The following ADAMTS19 variants were observed in gnomAD, a reference collection of about 807,000 sequenced individuals.
ADAMTS19 encodes the protein A disintegrin and metalloproteinase with thrombospondin motifs 19.
A neutral mutation model predicts 153.3 loss-of-function variants in ADAMTS19; 93 were observed. The observed-to-expected ratio is 0.61, with a 90% CI of 0.51 to 0.72. The LOEUF is 0.72. ADAMTS19 is among the 30% of genes least tolerant of loss of function. The pLI, the probability that ADAMTS19 is intolerant of heterozygous loss-of-function variation, is 0.00. For missense variants in ADAMTS19, 1,482 were observed against 1,552.1 expected (o/e 0.95, Z 0.76); for synonymous variants, 600 against 556.6 (o/e 1.08, Z -1.10).
At chr5:129,680,787 A>AC (rs1754773301) in intron 17 of ADAMTS19, among the ~76,000 whole-genome samples, 4 of 150,096 alleles carry the variant, frequency 2.7e-5, no homozygotes, top group African/African-American at 7.3e-5. Flanking sequence ...AAAAAAAAAA[A>AC]CTGGATATAA....
rs767816790 is a variant in ADAMTS19 at position 129,526,317 on chromosome 5, A to G, written c.947A>G (p.Glu316Gly). 1.3e-6 allele frequency: 2 copies of G among 1,593,542 alleles called. No individual in the cohort carries two copies. Among genetic ancestry groups the G allele is most frequent in the Middle Eastern group, 1.7e-4 (1 of 6,004 alleles). The change falls in exon 4 of 23, where the codon GAA (glutamate) becomes GGA (glycine). Residue 316 changes from glutamate (E) to glycine (G), a missense_variant. Physicochemically the swap from Glu to Gly is moderately conservative, Grantham distance 98. Coordinates refer to ENST00000274487, the MANE Select transcript of ADAMTS19 (RefSeq NM_133638.6). The part of the protein sequence containing the change: ...KGRPRSRKIA[E>G]SGRGKRYSYK... ...AGACCTAGGTCTAGAAAAATAGCAG[A>G]AAGTGGAAGAGGGAAACGATATTCA... is the stretch of plus-strand genomic sequence containing the variant.
At chr5:129,653,619 G>GA (rs1753412091) in intron 13 of ADAMTS19, among the ~76,000 whole-genome samples, 1 of 152,170 alleles carries the variant, frequency 6.6e-6, no homozygotes, top group African/African-American at 2.4e-5. Flanking sequence ...CACATCAGCA[G>GA]TTGCGCATAA....
At chr5:129,543,048 G>GTT (rs745799730) in intron 6 of ADAMTS19, among the ~76,000 whole-genome samples, 9 of 140,368 alleles carry the variant, frequency 6.4e-5, no homozygotes, top group South Asian at 2.3e-4. Flanking sequence ...TTGTTGTTTT[G>GTT]TTTTTTTTTT....
intron 6 of ADAMTS19, among the ~76,000 whole-genome samples, chr5:129,539,753 G>C (rs1752593699): frequency 2.0e-5 from 3 of 151,948 alleles, no homozygotes; most frequent in Non-Finnish European, 4.4e-5. Context: ...TATTTATTTA[G>C]GGTAGATTAA....
intron 3 of ADAMTS19, among the ~76,000 whole-genome samples, chr5:129,520,070 A>G (rs768838217): frequency 1.8e-4 from 28 of 152,150 alleles, no homozygotes; most frequent in Admixed American, 1.3e-4. Flanking sequence ...CATTTTAAAC[A>G]TGGACCCCGA....
chr5:129,704,406 G>T lies in ADAMTS19; in HGVS notation c.3312+15G>T, dbSNP rs1486550507. 1 of 1,609,886 alleles carries T rather than the reference G, an allele frequency of 6.2e-7. No individual in the cohort carries two copies. The highest frequency in any genetic ancestry group is 8.5e-7 in the Non-Finnish European group (1 of 1,178,080). ...ACTGGTCTAAGGTGAGAACCATTCT[G>T]TATATTCTCAGTAATAGGTTTCAAT... is the stretch of plus-strand genomic sequence containing the variant. On this transcript the variant is annotated intron_variant, in intron 21 of 22. Transcript: ENST00000274487.
intron 7 of ADAMTS19, among the ~76,000 whole-genome samples, chr5:129,563,986 C>T (rs1223210036): frequency 1.3e-5 from 2 of 151,998 alleles, no homozygotes; most frequent in African/African-American, 2.4e-5. Flanking sequence ...GTGGCGCAAT[C>T]TCGGCTCACT....
chr5:129,591,899 T>C (rs2126909418), intron 7 of ADAMTS19, among the ~76,000 whole-genome samples: 1 of 152,224 alleles, frequency 6.6e-6, no homozygotes, highest in Non-Finnish European at 1.5e-5. Context: ...AGTTCCATTA[T>C]TGGAAAAGGC....
chr5:129,522,816 G>A (rs1751870337), intron 3 of ADAMTS19, among the ~76,000 whole-genome samples: 2 of 152,040 alleles, frequency 1.3e-5, no homozygotes, highest in Non-Finnish European at 2.9e-5. Flanking sequence ...AGCACTTTGG[G>A]AGGCCAAGGC....
At chr5:129,643,217 C>G (rs560811812) in intron 11 of ADAMTS19, among the ~76,000 whole-genome samples, 4 of 151,580 alleles carry the variant, frequency 2.6e-5, no homozygotes, top group East Asian at 3.9e-4. Flanking sequence ...ATAAAATTAG[C>G]TAGGCTTGGT....
chr5:129,600,973 C>T (rs987598822), intron 8 of ADAMTS19, among the ~76,000 whole-genome samples: 8 of 152,046 alleles, frequency 5.3e-5, no homozygotes, highest in African/African-American at 1.9e-4. Flanking sequence ...CGGGTTCAAG[C>T]GATTCTCCTG....
intron 18 of ADAMTS19, among the ~76,000 whole-genome samples, chr5:129,692,042 G>T (rs1202155633): frequency 6.6e-6 from 1 of 151,992 alleles, no homozygotes. Context: ...ATGAATTTAG[G>T]CAACTGCATC....
intron 16 of ADAMTS19, among the ~76,000 whole-genome samples, chr5:129,679,432 T>C (rs1269303512): frequency 6.6e-6 from 1 of 152,118 alleles, no homozygotes; most frequent in Non-Finnish European, 1.5e-5. Flanking sequence ...ATAGACTAAA[T>C]AGATACACAT....
At chr5:129,717,138 T>C (rs1359918646) in intron 21 of ADAMTS19, among the ~76,000 whole-genome samples, 1 of 152,218 alleles carries the variant, frequency 6.6e-6, no homozygotes, top group East Asian at 1.9e-4. Flanking sequence ...ATTGATTACA[T>C]TAGTTTTTCA....
At chr5:129,618,718 T>A (rs181210435) in intron 8 of ADAMTS19, among the ~76,000 whole-genome samples, 117 of 152,142 alleles carry the variant, frequency 7.7e-4, no homozygotes, top group Admixed American at 2.0e-3. Flanking sequence ...TTTTTCATTA[T>A]GAAAACAATT....
At position 129,622,241 on chromosome 5, in the gene ADAMTS19, G is replaced by T. The variant is rs150344196; in HGVS notation, c.1663G>T (p.Val555Phe). Residue 555 changes from valine (V) to phenylalanine (F), a missense_variant, in exon 10 of 23, where the codon GTC (valine) becomes TTC (phenylalanine). Val to Phe is a conservative substitution (Grantham distance 50, BLOSUM62 -1). Around this residue, in one of 2 missense-constraint regions of ADAMTS19, gnomAD observed 866 missense variants for 827.7 expected, o/e 1.05. Coordinates refer to ENST00000274487, the MANE Select transcript of ADAMTS19 (RefSeq NM_133638.6). Reference protein sequence around the residue: ...NCLLQTNPQSVNSVMVPSKLP... With the variant: ...NCLLQTNPQSFNSVMVPSKLP... ...CTTGCTACAAACAAATCCGCAGAGT[G>T]TCAATTCTGTGATGGTTCCCTCCAA... The T allele has an allele frequency of 6.2e-7, 1 of 1,614,102 alleles. No individual in the cohort carries two copies.
intron 21 of ADAMTS19, among the ~76,000 whole-genome samples, chr5:129,706,866 T>G (rs1360918358): frequency 2.0e-5 from 3 of 152,214 alleles, no homozygotes; most frequent in Admixed American, 6.5e-5. Flanking sequence ...TGTGGTTTTT[T>G]ATGCTAAACT....
intron 7 of ADAMTS19, among the ~76,000 whole-genome samples, chr5:129,572,477 A>G (rs911746385): frequency 3.3e-5 from 5 of 152,020 alleles, no homozygotes; most frequent in Non-Finnish European, 7.4e-5. Context: ...ACAAATGTTT[A>G]TATCTGATCT....
intron 7 of ADAMTS19, among the ~76,000 whole-genome samples, chr5:129,561,644 C>G (rs1753522509): frequency 6.6e-6 from 1 of 152,080 alleles, no homozygotes; most frequent in African/African-American, 2.4e-5. Context: ...AATGTAGAAC[C>G]TGAAAGCATA....
Sources: allele counts gnomAD v4.1 joint callset (sites outside exome capture counted in the v4.1 genomes callset), GRCh38; gene constraint gnomAD v4.1.1; regional missense constraint gnomAD v4.1.1; transcripts MANE v1.5; gene names NCBI Gene and HGNC (gene_info 2026-07-23, HGNC 2026-07-21).